VPS13B: variants seen among roughly 807,000 people sequenced by gnomAD.
VPS13B encodes intermembrane lipid transfer protein VPS13B.
VPS13B carries 285 observed loss-of-function variants against 426.4 expected under a neutral mutation model. That is an observed-to-expected ratio of 0.67 (90% CI 0.61 to 0.74). The LOEUF (loss-of-function observed/expected upper bound fraction) is 0.74. Among genes scored for constraint, VPS13B ranks in the 30% least tolerant of loss-of-function variants. VPS13B has a pLI of 0.00. For synonymous variants in VPS13B, 1,676 were observed against 1,676.4 expected (o/e 1.00, Z 0.01); for missense variants, 4,537 against 4,782.6 (o/e 0.95, Z 1.51).
chr8:99,800,073 G>A (rs2130757326), intron 43 of VPS13B, among the ~76,000 whole-genome samples: 1 of 152,200 alleles, frequency 6.6e-6, no homozygotes, highest in African/African-American at 2.4e-5. Flanking sequence ...TCTGTTAAGA[G>A]TTTGTCTGCA....
chr8:99,209,999 A>G (rs1164869116), intron 17 of VPS13B, among the ~76,000 whole-genome samples: 1 of 152,184 alleles, frequency 6.6e-6, no homozygotes, highest in African/African-American at 2.4e-5. Flanking sequence ...ATAATAAGCA[A>G]TTAAAAATGT....
chr8:99,562,293 T>A (rs1472172245), intron 31 of VPS13B, among the ~76,000 whole-genome samples: 2 of 131,866 alleles, frequency 1.5e-5, no homozygotes, highest in African/African-American at 5.7e-5. Context: ...CACCCCACGC[T>A]TTTTTGAGAC....
intron 19 of VPS13B, among the ~76,000 whole-genome samples, chr8:99,298,714 T>G (rs1820180336): frequency 6.6e-6 from 1 of 152,228 alleles, no homozygotes; most frequent in Non-Finnish European, 1.5e-5. Context: ...GAGAAAGAGG[T>G]TAGACTTTGG....
At chr8:99,572,755 G>A (rs1447411016) in intron 31 of VPS13B, among the ~76,000 whole-genome samples, 3 of 152,054 alleles carry the variant, frequency 2.0e-5, no homozygotes, top group Non-Finnish European at 2.9e-5. Context: ...TAGTGCCGCA[G>A]TAAACATACG....
intron 21 of VPS13B, among the ~76,000 whole-genome samples, chr8:99,423,283 G>A (rs1563721737): frequency 1.3e-5 from 2 of 150,954 alleles, no homozygotes; most frequent in African/African-American, 4.9e-5. Context: ...TTTTGAAACA[G>A]TCTCACTCTG....
Position 99,871,599 on chromosome 8 carries a change from G to T in VPS13B, c.11647G>T (p.Ala3883Ser). The T allele has an allele frequency of 6.2e-7, 1 of 1,614,188 alleles. No homozygotes were observed. Among genetic ancestry groups the T allele is most frequent in the Non-Finnish European group, 8.5e-7 (1 of 1,180,046 alleles). ...VSVSEDTQQQ[A>S]FPVTEIDCAQ... is the part of the protein sequence containing the mutation. ...TGTCAGTGAGGACACACAGCAGCAG[G>T]CCTTCCCCGTCACAGAAATCGACTG... The change falls in exon 61 of 62, where the codon GCC becomes TCC. Residue 3883 changes from alanine to serine, a missense_variant. This residue lies in a region of VPS13B where 4,311 missense variants were observed against 4,474.3 expected (regional missense o/e 0.96). Coordinates refer to ENST00000357162, the MANE Select transcript of VPS13B (RefSeq NM_152564.5).
chr8:99,565,878 G>A (rs2133786772), intron 31 of VPS13B, among the ~76,000 whole-genome samples: 2 of 152,234 alleles, frequency 1.3e-5, no homozygotes, highest in South Asian at 4.2e-4. Context: ...CACTACTTTG[G>A]GAGGCCAAAT....
At chr8:99,759,640 C>T (rs945262931) in intron 39 of VPS13B, among the ~76,000 whole-genome samples, 7 of 152,108 alleles carry the variant, frequency 4.6e-5, no homozygotes, top group Non-Finnish European at 7.4e-5. Flanking sequence ...TCATTGGTAC[C>T]TGCAGCTCAG....
chr8:99,606,624 C>CTTT lies in VPS13B; in HGVS notation c.5220+28993_5220+28995dup, dbSNP rs1193844207. Among the ~76,000 whole-genome samples, 123 of 137,188 alleles carry CTTT rather than the reference C, an allele frequency of 9.0e-4. 2 individuals carry two copies. Among genetic ancestry groups the CTTT allele is most frequent in the African/African-American group, 2.9e-3 (111 of 38,180 alleles). 90.0% of individuals were successfully genotyped at this position (137,188 alleles called of 152,430 possible). On this transcript the variant is annotated intron_variant, in intron 33 of 61. Transcript: ENST00000357162. The stretch of plus-strand genomic sequence containing the variant: ...TGCCTTTTGTTTTCTTTTTCTTTTT[C>CTTT]TTTTCTTTTTTTTTTTTTTTTTGAG...
At chr8:99,589,801 T>A (rs539095507) in intron 33 of VPS13B, among the ~76,000 whole-genome samples, 1 of 152,224 alleles carries the variant, frequency 6.6e-6, no homozygotes, top group Non-Finnish European at 1.5e-5. Flanking sequence ...ATATTCTCTT[T>A]TTTTATTGTG....
At chr8:99,784,167 G>C in intron 42 of VPS13B, 148 bp from the exon 43 acceptor site, 1 of 944,368 alleles carries the variant, frequency 1.1e-6, no homozygotes, top group African/African-American at 1.6e-5. Flanking sequence ...TGCTTATCCT[G>C]GCAGTATAGA....
Position 99,875,481 on chromosome 8 carries a change from A to G in VPS13B, c.11809A>G (p.Lys3937Glu), listed in dbSNP as rs755070874. The G allele has an allele frequency of 6.2e-6, 10 of 1,614,208 alleles. No individual in the cohort carries two copies. Among genetic ancestry groups the G allele is most frequent in the Non-Finnish European group, 8.5e-6 (10 of 1,180,032 alleles). Residue 3937 changes from lysine (K) to glutamate (E), a missense_variant, in exon 62 of 62, where the codon AAG becomes GAG. Coordinates refer to ENST00000357162, the MANE Select transcript of VPS13B (RefSeq NM_152564.5). ...CAACAGACTGGTGGACTACATCACA[A>G]AGACATCTTGTCACCTGGCCCCCAG... ...QYNRLVDYIT[K>E]TSCHLAPSCS...
chr8:99,169,333 A>G (rs1307086198), intron 15 of VPS13B, among the ~76,000 whole-genome samples: 1 of 152,034 alleles, frequency 6.6e-6, no homozygotes, highest in Non-Finnish European at 1.5e-5. Flanking sequence ...TATTTCATGT[A>G]ACGTGATGTT....
intron 33 of VPS13B, among the ~76,000 whole-genome samples, chr8:99,604,645 G>T (rs370846498): frequency 6.6e-6 from 1 of 151,726 alleles, no homozygotes; most frequent in Non-Finnish European, 1.5e-5. Context: ...GACTACAGGC[G>T]CCTGCCACTG....
intron 19 of VPS13B, among the ~76,000 whole-genome samples, chr8:99,338,084 G>A (rs1811030497): frequency 6.6e-6 from 1 of 152,112 alleles, no homozygotes; most frequent in Non-Finnish European, 1.5e-5. Flanking sequence ...AGTTACCATG[G>A]TCTTGTTTGC....
intron 31 of VPS13B, among the ~76,000 whole-genome samples, chr8:99,567,022 A>G (rs1328055877): frequency 6.6e-6 from 1 of 151,514 alleles, no homozygotes; most frequent in Non-Finnish European, 1.5e-5. Context: ...CATCCTCCCA[A>G]AGCACTGGAT....
chr8:99,204,746 A>G (rs1269362686), intron 17 of VPS13B, among the ~76,000 whole-genome samples: 1 of 152,244 alleles, frequency 6.6e-6, no homozygotes, highest in Non-Finnish European at 1.5e-5. Context: ...CAAGAAACAT[A>G]TGAAAAAAAG....
At chr8:99,480,445 C>A (rs896981788) in intron 24 of VPS13B, among the ~76,000 whole-genome samples, 1 of 152,080 alleles carries the variant, frequency 6.6e-6, no homozygotes, top group Non-Finnish European at 1.5e-5. Flanking sequence ...TGTTTGCACT[C>A]TCTTTATTTA....
At chr8:99,157,384 G>C (rs1032621522) in intron 15 of VPS13B, among the ~76,000 whole-genome samples, 5 of 151,454 alleles carry the variant, frequency 3.3e-5, no homozygotes, top group Admixed American at 3.3e-4. Context: ...GTCATATTTT[G>C]GTAATTATCC....
Sources: gnomAD v4.1 joint callset for allele counts (sites outside exome capture counted in the v4.1 genomes callset) on GRCh38, gnomAD v4.1.1 for gene constraint, gnomAD v4.1.1 regional missense constraint, MANE v1.5 for transcripts, NCBI Gene and HGNC (gene_info 2026-07-23, HGNC 2026-07-21) for gene names.